IRS1: variants seen among roughly 807,000 people sequenced by gnomAD.
The protein encoded by IRS1 is insulin receptor substrate 1.
Under a neutral mutation model 65.6 loss-of-function variants are expected in IRS1, and 34 were observed. That is an observed-to-expected ratio of 0.52 (90% CI 0.39 to 0.69). The LOEUF (loss-of-function observed/expected upper bound fraction) is 0.69, where lower values mean the gene tolerates loss of function less well. IRS1 is among the 30% of genes least tolerant of loss of function. The probability of loss-of-function intolerance (pLI) is 0.00; values close to 1 mark genes in which losing one functional copy is unlikely to be tolerated. For synonymous variants in IRS1, 699 were observed against 683.5 expected (o/e 1.02, Z -0.35); for missense variants, 1,641 against 1,720.2 (o/e 0.95, Z 0.81).
At chr2:226,747,277 T>G (rs113321257) in intron 1 of IRS1, among the ~76,000 whole-genome samples, 3,097 of 152,196 alleles carry the variant, frequency 0.02, 100 homozygotes, top group African/African-American at 0.07. Context: ...AACATGTCTT[T>G]CCTTGCAATT....
At chr2:226,784,643 G>A (rs539752324) in intron 1 of IRS1, among the ~76,000 whole-genome samples, 7 of 152,148 alleles carry the variant, frequency 4.6e-5, no homozygotes, top group East Asian at 1.9e-4. Flanking sequence ...GGCTGGTCTC[G>A]AACTCCTGAC....
rs556731996 is a variant in IRS1 at position 226,733,006 on chromosome 2, C to G, written c.*3266G>C. 6 of 152,314 alleles carry G rather than the reference C, an allele frequency of 3.9e-5. No homozygotes were observed. In the East Asian group the frequency reaches 1.2e-3, roughly 29 times the overall value. The allele number at this position is 152,314 out of a possible 1,614,324, so 9.4% of individuals were successfully genotyped here. On this transcript the variant is annotated 3_prime_UTR_variant, in exon 2 of 2. Transcript: ENST00000305123. ...GTCATTGTCACCAGCAGTTGGAAGA[C>G]TGCACATGGATACTATTTGTCATGG...
At chr2:226,754,130 C>T (rs1395078654) in intron 1 of IRS1, among the ~76,000 whole-genome samples, 1 of 152,216 alleles carries the variant, frequency 6.6e-6, no homozygotes, top group Non-Finnish European at 1.5e-5. Flanking sequence ...AGGCACGAGC[C>T]ACCACCCTTG....
intron 1 of IRS1, among the ~76,000 whole-genome samples, chr2:226,772,246 G>A (rs939415765): frequency 6.6e-6 from 1 of 152,158 alleles, no homozygotes; most frequent in South Asian, 2.1e-4. Flanking sequence ...CTGTGTATGA[G>A]AGGCAATTCA....
intron 1 of IRS1, among the ~76,000 whole-genome samples, chr2:226,771,907 C>T (rs1299692887): frequency 6.6e-6 from 1 of 152,170 alleles, no homozygotes; most frequent in Non-Finnish European, 1.5e-5. Flanking sequence ...GCCATTAATC[C>T]TGATTTATAC....
rs112775554 is a variant in IRS1, at chr2:226,789,414, T to C, written c.*21+5575A>G. On this transcript the variant is annotated intron_variant, in intron 1 of 1. Transcript: ENST00000305123. ...ATCAAAAACCCTAAAGCACAAAAAATCTGGACAACACTAATTTTGCCAGCA... is the reference window on the plus strand; with the variant it reads ...ATCAAAAACCCTAAAGCACAAAAAACCTGGACAACACTAATTTTGCCAGCA... Among the ~76,000 whole-genome samples the C allele has an allele frequency of 5.2e-3, 798 of 152,270 alleles. 7 individuals carry two copies. Among genetic ancestry groups the C allele is most frequent in the Middle Eastern group, 0.017 (5 of 294 alleles).
chr2:226,772,754 C>T (rs1939188597), intron 1 of IRS1, among the ~76,000 whole-genome samples: 1 of 151,280 alleles, frequency 6.6e-6, no homozygotes, highest in African/African-American at 2.4e-5. Context: ...ATCAGGAAAG[C>T]AGAACTGAAA....
rs1195113618 is a variant in IRS1, at chr2:226,798,170, T to C, written c.569A>G (p.Lys190Arg). 2 of 1,614,048 alleles carry C rather than the reference T, an allele frequency of 1.2e-6. No homozygotes were observed. The highest frequency in any genetic ancestry group is 1.7e-6 in the Non-Finnish European group (2 of 1,180,022). ...IGIYRLCLTS[K>R]TISFVKLNSE... Reference sequence around the variant, plus strand: ...GTTCAGCTTCACGAAGCTGATGGTCTTGCTGGTCAGGCAAAGGCGGTAGAT... The same window carrying C: ...GTTCAGCTTCACGAAGCTGATGGTCCTGCTGGTCAGGCAAAGGCGGTAGAT... Residue 190 changes from lysine (K) to arginine (R), a missense_variant, in exon 1 of 2, where the codon AAG becomes AGG. By Grantham distance (26) the Lys-to-Arg change is conservative (BLOSUM62 2). This residue lies in a region of IRS1 where 77 missense variants were observed against 129.6 expected (regional missense o/e 0.59). Transcript: ENST00000305123. The surrounding 1 kb of genome is among the most constrained non-coding windows in gnomAD (Gnocchi z 9.4).
intron 1 of IRS1, among the ~76,000 whole-genome samples, chr2:226,767,898 A>T (rs1939086710): frequency 6.6e-6 from 1 of 152,158 alleles, no homozygotes; most frequent in Non-Finnish European, 1.5e-5. Context: ...AAACTTAGTA[A>T]CATGGTGAGT....
chr2:226,794,919 G>A lies in IRS1; in HGVS notation c.*21+70C>T. The stretch of plus-strand genomic sequence containing the variant: ...TGGGAAAGAACAGGAAGGGGCAGAG[G>A]CGAAGAACAGAATTCAAGGACAAGG... On this transcript the variant is annotated intron_variant, in intron 1 of 1. Transcript: ENST00000305123. The surrounding 1 kb of genome is among the most constrained non-coding windows in gnomAD (Gnocchi z 4.1). 7.4e-7 allele frequency: 1 copy of A among 1,353,452 alleles called. No homozygotes were observed. The highest frequency in any genetic ancestry group is 1.1e-6 in the Non-Finnish European group (1 of 949,960). 83.8% of individuals were successfully genotyped at this position (1,353,452 alleles called of 1,614,324 possible). A position where few individuals can be genotyped will look rare whatever the true frequency, so the allele number is the denominator to read the frequency against.
Position 226,798,003 on chromosome 2 carries a change from C to T in IRS1, c.736G>A (p.Ala246Thr). 1 of 1,614,064 alleles carries T rather than the reference C, an allele frequency of 6.2e-7. No homozygotes were observed. The highest frequency in any genetic ancestry group is 8.5e-7 in the Non-Finnish European group (1 of 1,180,014). ...AGGATGGTCTCGTGCATGTTCTGGG[C>T]CACCACAGAGTCATCCACCTGCATC... ...FWMQVDDSVV[A>T]QNMHETILEA... Residue 246 changes from alanine to threonine, a missense_variant, in exon 1 of 2, where the codon GCC becomes ACC. This residue lies in a region of IRS1 where 77 missense variants were observed against 129.6 expected (regional missense o/e 0.59). Coordinates refer to ENST00000305123, the MANE Select transcript of IRS1 (RefSeq NM_005544.3). The surrounding 1 kb of genome is among the most constrained non-coding windows in gnomAD (Gnocchi z 9.4).
At chr2:226,739,541 G>C (rs145377503) in intron 1 of IRS1, among the ~76,000 whole-genome samples, 1 of 152,326 alleles carries the variant, frequency 6.6e-6, no homozygotes, top group African/African-American at 2.4e-5. Context: ...CAAATATGGT[G>C]AATAATGGGA....
chr2:226,759,712 T>C (rs1000557333), intron 1 of IRS1, among the ~76,000 whole-genome samples: 22 of 152,188 alleles, frequency 1.4e-4, no homozygotes, highest in African/African-American at 4.3e-4. Flanking sequence ...AACACCCTTT[T>C]TTGATATAAC....
chr2:226,781,806 T>C (rs762944495), intron 1 of IRS1, among the ~76,000 whole-genome samples: 85 of 151,638 alleles, frequency 5.6e-4, no homozygotes, highest in Non-Finnish European at 1.2e-3. Context: ...GTTTTAGGAA[T>C]GTAACCTTTT....
chr2:226,738,935 G>A (rs1938384752), intron 1 of IRS1, among the ~76,000 whole-genome samples: 1 of 152,174 alleles, frequency 6.6e-6, no homozygotes, highest in South Asian at 2.1e-4. Context: ...TGGGTAAACA[G>A]CTTAGTACAG....
chr2:226,751,587 A>AT (rs1365908913), intron 1 of IRS1, among the ~76,000 whole-genome samples: 3 of 151,692 alleles, frequency 2.0e-5, no homozygotes, highest in Non-Finnish European at 4.4e-5. Context: ...CCGGCCGGGT[A>AT]TTTTTTTTAA....
At position 226,797,674 on chromosome 2, in the gene IRS1, G is replaced by A. The variant is rs145704301; in HGVS notation, c.1065C>T (p.His355=). The stretch of plus-strand genomic sequence containing the variant: ...GGGCGCTGCCCCGATGCCGGTGGGC[G>A]TGGGTTCTGTTGGTGCTGGGACTCA... ...SPVSPSTNRT[H]AHRHRGSARL... Residue 355 remains histidine (H), a synonymous_variant, in exon 1 of 2, where the codon CAC becomes CAT. Transcript: ENST00000305123. This position sits in a 1 kb window ranked among gnomAD's most constrained non-coding sequence, Gnocchi z 8.1. The A allele has an allele frequency of 2.5e-6, 4 of 1,596,734 alleles. No individual in the cohort carries two copies. The highest frequency in any genetic ancestry group is 1.3e-5 in the African/African-American group (1 of 74,874).
intron 1 of IRS1, among the ~76,000 whole-genome samples, chr2:226,766,146 TATATATATA>T (rs1157284573): frequency 0.039 from 253 of 6,522 alleles, 37 homozygotes; most frequent in African/African-American, 0.078. Context: ...TATATATATA[TATATATATA>T]TATATATATT....
intron 1 of IRS1, among the ~76,000 whole-genome samples, chr2:226,751,590 T>C (rs1938684863): frequency 6.6e-6 from 1 of 152,144 alleles, no homozygotes; most frequent in African/African-American, 2.4e-5. Flanking sequence ...GCCGGGTATT[T>C]TTTTTAAACC....
Sources: allele counts gnomAD v4.1 joint callset (sites outside exome capture counted in the v4.1 genomes callset), GRCh38; gene constraint gnomAD v4.1.1; regional missense constraint gnomAD v4.1.1; non-coding constraint Gnocchi (gnomAD v3.1); transcripts MANE v1.5; gene names NCBI Gene and HGNC (gene_info 2026-07-23, HGNC 2026-07-21).